The following DLGAP2 variants were observed in gnomAD, a reference collection of about 807,000 sequenced individuals.
DLGAP2 encodes disks large-associated protein 2.
A neutral mutation model predicts 100.3 loss-of-function variants in DLGAP2; 26 were observed. The observed-to-expected ratio is 0.26, with a 90% CI of 0.19 to 0.36. The LOEUF (loss-of-function observed/expected upper bound fraction) is 0.36, where lower values mean the gene tolerates loss of function less well. Ranked by LOEUF, DLGAP2 falls within the 10% of genes least tolerant of loss-of-function variation. The pLI, the probability that DLGAP2 is intolerant of heterozygous loss-of-function variation, is 1.00. For missense variants in DLGAP2, 1,858 were observed against 1,453.2 expected (o/e 1.28, Z -4.53); for synonymous variants, 886 against 630.1 (o/e 1.41, Z -6.08).
chr8:1,519,093 G>A (rs556286225), intron 4 of DLGAP2, among the ~76,000 whole-genome samples: 2 of 152,282 alleles, frequency 1.3e-5, no homozygotes, highest in South Asian at 4.1e-4. Context: ...AGTCCAGGAA[G>A]GGATACGAAG....
At chr8:924,321 A>G (rs192724955) in intron 2 of DLGAP2, among the ~76,000 whole-genome samples, 124 of 152,146 alleles carry the variant, frequency 8.2e-4, no homozygotes, top group African/African-American at 2.8e-3. Context: ...ACGTTTTTGG[A>G]GGCGAGAGGG....
At chr8:1,454,283 C>CA (rs561870878) in intron 3 of DLGAP2, among the ~76,000 whole-genome samples, 3 of 152,178 alleles carry the variant, frequency 2.0e-5, no homozygotes, top group Non-Finnish European at 2.9e-5. Context: ...GTTCCACTGC[C>CA]AGCTTTCCCA....
At chr8:772,169 G>C (rs1039417960) in intron 1 of DLGAP2, among the ~76,000 whole-genome samples, 18 of 152,118 alleles carry the variant, frequency 1.2e-4, no homozygotes, top group African/African-American at 3.9e-4. Flanking sequence ...CCAAAGTGCA[G>C]GGATTACAGG....
chr8:806,287 G>A (rs1449018074), intron 1 of DLGAP2, among the ~76,000 whole-genome samples: 1 of 152,210 alleles, frequency 6.6e-6, no homozygotes, highest in Non-Finnish European at 1.5e-5. Flanking sequence ...TCATGGCGCT[G>A]GGTCTCAAGG....
chr8:1,190,880 C>T (rs1416265142), intron 2 of DLGAP2, among the ~76,000 whole-genome samples: 2 of 152,156 alleles, frequency 1.3e-5, no homozygotes, highest in Non-Finnish European at 2.9e-5. Flanking sequence ...GGGTCTGTGG[C>T]CGTTCAGTGC....
chr8:1,366,081 C>G (rs1295960616), intron 3 of DLGAP2, among the ~76,000 whole-genome samples: 1 of 152,270 alleles, frequency 6.6e-6, no homozygotes, highest in Admixed American at 6.5e-5. Context: ...CCTTATGTCA[C>G]TGTGCACCCG....
intron 3 of DLGAP2, among the ~76,000 whole-genome samples, chr8:1,442,183 G>T (rs34911210): frequency 0.014 from 1,432 of 100,406 alleles, 1 homozygote; most frequent in Middle Eastern, 0.033. Context: ...ATGGATCCAG[G>T]CATAGACCTG....
At chr8:1,415,059 T>C (rs531380534) in intron 3 of DLGAP2, among the ~76,000 whole-genome samples, 1 of 152,316 alleles carries the variant, frequency 6.6e-6, no homozygotes, top group African/African-American at 2.4e-5. Context: ...CCCTGTATTA[T>C]ACTTGTCCAG....
In DLGAP2 at chr8:1,491,391, C is replaced by T. The variant is rs1410252201; in HGVS notation, c.107-9975C>T. Among the ~76,000 whole-genome samples, 9 of 38,000 alleles carry T rather than the reference C, an allele frequency of 2.4e-4. No individual in the cohort carries two copies. In the South Asian group the frequency reaches 8.9e-3, roughly 37 times the overall value. 24.9% of individuals were successfully genotyped at this position (38,000 alleles called of 152,430 possible). ...CCCCGGAGGCTTCGGGCTGCTCCCC[C>T]TGACCTCGGAGGCTTCCGGCTGCTC... On this transcript the variant is annotated intron_variant, in intron 3 of 14. Transcript: ENST00000637795.
intron 3 of DLGAP2, among the ~76,000 whole-genome samples, chr8:1,340,622 T>C (rs1801396346): frequency 6.6e-6 from 1 of 152,212 alleles, no homozygotes; most frequent in Non-Finnish European, 1.5e-5. Context: ...GCTTACACAC[T>C]GTTAGCTGGG....
At chr8:1,281,959 C>A (rs1365716462) in intron 3 of DLGAP2, among the ~76,000 whole-genome samples, 3 of 145,930 alleles carry the variant, frequency 2.1e-5, no homozygotes, top group Non-Finnish European at 4.5e-5. Context: ...GGCCGCAAAC[C>A]ATCTGGACAT....
chr8:1,206,004 G>C (rs571000518), intron 2 of DLGAP2, among the ~76,000 whole-genome samples: 1 of 152,186 alleles, frequency 6.6e-6, no homozygotes, highest in Non-Finnish European at 1.5e-5. Context: ...CAAAAGTGAA[G>C]AGTGACCTTG....
In DLGAP2 at chr8:1,659,750, T is replaced by C. The variant is rs977892480; in HGVS notation, c.1811-8579T>C. ...CCTATGTGTGTCTTTGCACATGAGATGGGTCTCCTGAATATAGCACACTGA... is the reference window on the plus strand; with the variant it reads ...CCTATGTGTGTCTTTGCACATGAGACGGGTCTCCTGAATATAGCACACTGA... On this transcript the variant is annotated intron_variant, in intron 8 of 14. Transcript: ENST00000637795. Among the ~76,000 whole-genome samples, 5 of 152,208 alleles carry C rather than the reference T, an allele frequency of 3.3e-5. No homozygotes were observed. The East Asian group carries it at 5.8e-4, about 18-fold the overall frequency.
intron 4 of DLGAP2, among the ~76,000 whole-genome samples, chr8:1,546,577 G>T (rs1239324792): frequency 2.6e-5 from 4 of 152,236 alleles, no homozygotes; most frequent in Admixed American, 2.6e-4. Context: ...ATCAGCAGGG[G>T]ATTTTGTTGT....
intron 2 of DLGAP2, among the ~76,000 whole-genome samples, chr8:1,027,884 T>C (rs1801854585): frequency 6.8e-6 from 1 of 146,216 alleles, no homozygotes; most frequent in Non-Finnish European, 1.5e-5. Flanking sequence ...ATTCTCCAGG[T>C]GGGGTGCCAG....
At chr8:1,651,690 G>A (rs1196341453) in intron 8 of DLGAP2, among the ~76,000 whole-genome samples, 2 of 152,202 alleles carry the variant, frequency 1.3e-5, no homozygotes, top group Non-Finnish European at 2.9e-5. Flanking sequence ...CACAGGCTGT[G>A]TAGCCCTCCC....
chr8:1,683,169 A>C (rs1799002523), intron 12 of DLGAP2, among the ~76,000 whole-genome samples: 1 of 151,650 alleles, frequency 6.6e-6, no homozygotes, highest in Non-Finnish European at 1.5e-5. Flanking sequence ...GTACAGATAA[A>C]GTACTTAAAA....
At chr8:1,121,189 C>T (rs1459872208) in intron 2 of DLGAP2, among the ~76,000 whole-genome samples, 1 of 144,492 alleles carries the variant, frequency 6.9e-6, no homozygotes, top group East Asian at 2.2e-4. Context: ...GACCACCCGT[C>T]CTCCCCTTTG....
chr8:923,651 C>A (rs185770789), intron 2 of DLGAP2, among the ~76,000 whole-genome samples: 1 of 152,168 alleles, frequency 6.6e-6, no homozygotes, highest in African/African-American at 2.4e-5. Context: ...AGTTTAGAGA[C>A]CCCTCTGAGC....
Sources: allele counts gnomAD v4.1 joint callset (sites outside exome capture counted in the v4.1 genomes callset), GRCh38; gene constraint gnomAD v4.1.1; transcripts MANE v1.5; gene names NCBI Gene and HGNC (gene_info 2026-07-23, HGNC 2026-07-21).